The following PLCB4 variants were observed in gnomAD, a reference collection of about 807,000 sequenced individuals.
PLCB4 encodes 1-phosphatidylinositol 4,5-bisphosphate phosphodiesterase beta-4.
Under a neutral mutation model 178.8 loss-of-function variants are expected in PLCB4, and 77 were observed. The observed-to-expected ratio is 0.43, with a 90% CI of 0.36 to 0.52. The LOEUF (loss-of-function observed/expected upper bound fraction) is 0.52. Among genes scored for constraint, PLCB4 ranks in the 20% least tolerant of loss-of-function variants. The pLI, the probability that PLCB4 is intolerant of heterozygous loss-of-function variation, is 0.00. For missense variants in PLCB4, 1,024 were observed against 1,453.4 expected, an observed-to-expected ratio of 0.70 and a Z score of 4.80; for synonymous variants, 496 against 490.8, an observed-to-expected ratio of 1.01 and a Z score of -0.14.
chr20:9,459,120 GA>G (rs1410017985), intron 34 of PLCB4, among the ~76,000 whole-genome samples: 3 of 152,236 alleles, frequency 2.0e-5, no homozygotes, highest in African/African-American at 7.2e-5. Context: ...GAGGCAGGTG[GA>G]TCACCTGAGA....
chr20:9,385,743 C>T (rs1245870876), intron 14 of PLCB4, among the ~76,000 whole-genome samples: 6 of 149,864 alleles, frequency 4.0e-5, no homozygotes, highest in African/African-American at 9.8e-5. Flanking sequence ...ACGGGGCGGC[C>T]GGGCAGAGGT....
At chr20:9,183,013 G>A (rs1039417889) in intron 2 of PLCB4, among the ~76,000 whole-genome samples, 2 of 152,238 alleles carry the variant, frequency 1.3e-5, no homozygotes, top group African/African-American at 2.4e-5. Context: ...AGGGAGTCAC[G>A]CTGCTCTGCC....
chr20:9,267,777 G>A (rs2094363450), intron 3 of PLCB4, among the ~76,000 whole-genome samples: 2 of 152,122 alleles, frequency 1.3e-5, no homozygotes, highest in South Asian at 2.1e-4. Flanking sequence ...ACTTTAAGAT[G>A]TGCTTGATTC....
intron 3 of PLCB4, among the ~76,000 whole-genome samples, chr20:9,229,616 AT>A (rs540907171): frequency 0.021 from 3,193 of 149,420 alleles, 66 homozygotes; most frequent in Non-Finnish European, 0.03. Flanking sequence ...TGGTGAACTT[AT>A]TTTTTTTTTA....
In PLCB4 at chr20:9,411,083, G is replaced by A. The variant is rs200584230; in HGVS notation, c.2046G>A (p.Ser682=). 1.6e-4 allele frequency: 255 copies of A among 1,602,056 alleles called. No individual in the cohort carries two copies. The highest frequency in any genetic ancestry group is 1.8e-4 in the Non-Finnish European group (213 of 1,169,430). Residue 682 remains serine, a synonymous_variant, in exon 25 of 40, where the codon TCG becomes TCA. Coordinates refer to ENST00000378473, the MANE Select transcript of PLCB4 (RefSeq NM_001377142.1). ...AGGGAAAATTTGAGTATAATGGATC[G>A]TGCGGGTGAGTAATATGATTTAAAC... ...LNQGKFEYNG[S]CGYLLKPDFM...
intron 15 of PLCB4, among the ~76,000 whole-genome samples, chr20:9,387,839 A>G (rs1243205965): frequency 6.6e-6 from 1 of 152,226 alleles, no homozygotes; most frequent in East Asian, 1.9e-4. Flanking sequence ...TCCTTTTGTT[A>G]TCTACTTATT....
intron 27 of PLCB4, 119 bp from the exon 28 acceptor site, chr20:9,423,629 A>C (rs1056536740): frequency 2.7e-6 from 2 of 747,408 alleles, no homozygotes; most frequent in Non-Finnish European, 4.6e-6. Flanking sequence ...TGGATCATGG[A>C]CTTACTTTCA....
chr20:9,293,978 A>G (rs1023394655), intron 3 of PLCB4, among the ~76,000 whole-genome samples: 1 of 152,080 alleles, frequency 6.6e-6, no homozygotes, highest in Admixed American at 6.6e-5. Flanking sequence ...CAGAGAGGAG[A>G]ATGTAAAAGG....
intron 2 of PLCB4, among the ~76,000 whole-genome samples, chr20:9,162,960 A>T (rs1442667998): frequency 6.6e-6 from 1 of 152,148 alleles, no homozygotes; most frequent in Admixed American, 6.6e-5. Flanking sequence ...TATTTTTACC[A>T]ATTTCTGGGG....
At chr20:9,453,301 G>A (rs1210867808) in intron 32 of PLCB4, 46 bp from the exon 33 acceptor site, 1 of 1,090,540 alleles carries the variant, frequency 9.2e-7, no homozygotes, top group Admixed American at 1.8e-5. Flanking sequence ...TATGGTGTGA[G>A]CCATGCTAAG....
chr20:9,186,016 G>A (rs1024671268), intron 2 of PLCB4, among the ~76,000 whole-genome samples: 3 of 152,176 alleles, frequency 2.0e-5, no homozygotes, highest in African/African-American at 4.8e-5. Flanking sequence ...TCTCTAGAAT[G>A]TAAGTGCCAT....
chr20:9,178,254 G>A (rs1453030157), intron 2 of PLCB4, among the ~76,000 whole-genome samples: 1 of 152,198 alleles, frequency 6.6e-6, no homozygotes, highest in Non-Finnish European at 1.5e-5. Context: ...CTGGGAGGCG[G>A]AGGTTGCAGT....
At chr20:9,347,587 A>G (rs2148134442) in intron 7 of PLCB4, among the ~76,000 whole-genome samples, 1 of 152,270 alleles carries the variant, frequency 6.6e-6, no homozygotes. Context: ...CTGAACTTGG[A>G]CAAATCATTT....
At chr20:9,429,599 T>C (rs972948281) in intron 28 of PLCB4, among the ~76,000 whole-genome samples, 1 of 152,196 alleles carries the variant, frequency 6.6e-6, no homozygotes, top group East Asian at 1.9e-4. Context: ...GTTACACAAG[T>C]AGGTAAGTAT....
intron 2 of PLCB4, among the ~76,000 whole-genome samples, chr20:9,146,568 C>CT (rs2092602374): frequency 6.6e-6 from 1 of 152,102 alleles, no homozygotes; most frequent in South Asian, 2.1e-4. Flanking sequence ...CAGGGCTCCG[C>CT]TGAAAGGGCA....
intron 2 of PLCB4, among the ~76,000 whole-genome samples, chr20:9,096,937 T>G (rs866905104): frequency 1.5e-4 from 23 of 151,376 alleles, no homozygotes; most frequent in Admixed American, 4.0e-4. Context: ...TTGGCTTTCT[T>G]TTTTTTTTCT....
chr20:9,399,772 T>G (rs2038891046), intron 19 of PLCB4, among the ~76,000 whole-genome samples: 1 of 152,248 alleles, frequency 6.6e-6, no homozygotes, highest in Non-Finnish European at 1.5e-5. Context: ...GGTTTACATC[T>G]GTATTGGCAG....
At chr20:9,270,815 T>C (rs2094395623) in intron 3 of PLCB4, among the ~76,000 whole-genome samples, 1 of 152,036 alleles carries the variant, frequency 6.6e-6, no homozygotes, top group South Asian at 2.1e-4. Context: ...GCCACCTCAA[T>C]GAGTTTTCCA....
At chr20:9,162,634 A>G (rs111497234) in intron 2 of PLCB4, among the ~76,000 whole-genome samples, 175 of 152,282 alleles carry the variant, frequency 1.1e-3, no homozygotes, top group African/African-American at 3.9e-3. Flanking sequence ...TTCATCAATT[A>G]TGTTTTGTTT....
Sources: allele counts gnomAD v4.1 joint callset (sites outside exome capture counted in the v4.1 genomes callset), GRCh38; gene constraint gnomAD v4.1.1; transcripts MANE v1.5; gene names NCBI Gene and HGNC (gene_info 2026-07-23, HGNC 2026-07-21).